The following PCDHGB3 variants were observed in gnomAD, a reference collection of about 807,000 sequenced individuals.
The protein encoded by PCDHGB3 is protocadherin gamma subfamily B, 3, also known as protocadherin gamma-B3.
In PCDHGB3, 40 loss-of-function variants were observed where a neutral mutation model predicts 59.2. The ratio of observed to expected loss-of-function variants is 0.68; its 90% CI spans 0.52 to 0.88. The LOEUF is 0.88. PCDHGB3 is among the 40% of genes least tolerant of loss of function. PCDHGB3 has a pLI of 0.00. For missense variants in PCDHGB3, 1,309 were observed against 1,187.9 expected (o/e 1.10, Z -1.50); for synonymous variants, 581 against 503.6 (o/e 1.15, Z -2.06).
chr5:141,409,156 A>G (rs771600341), intron 1 of PCDHGB3: 1 of 1,613,986 alleles, frequency 6.2e-7, no homozygotes, highest in Non-Finnish European at 8.5e-7. Flanking sequence ...ACACCATGGA[A>G]GTGGAAGCGA....
chr5:141,391,873 T>G (rs1023590638), intron 1 of PCDHGB3: 2 of 152,216 alleles, frequency 1.3e-5, no homozygotes, highest in African/African-American at 4.8e-5. Flanking sequence ...TAATCATCTC[T>G]TTGGTGAAAG....
chr5:141,410,778 G>T, intron 1 of PCDHGB3: 3 of 818,726 alleles, frequency 3.7e-6, no homozygotes, highest in Non-Finnish European at 3.4e-6. Flanking sequence ...TTTTCACTAT[G>T]TATTTGGTTC....
At chr5:141,401,657 G>T (rs1398256315) in intron 1 of PCDHGB3, among the ~76,000 whole-genome samples, 3 of 152,204 alleles carry the variant, frequency 2.0e-5, no homozygotes, top group Non-Finnish European at 4.4e-5. Context: ...ATGACTGGAT[G>T]TTTTCTCAAC....
chr5:141,443,317 C>CAAA (rs35054295), intron 1 of PCDHGB3, among the ~76,000 whole-genome samples: 8 of 142,020 alleles, frequency 5.6e-5, no homozygotes, highest in African/African-American at 2.1e-4. Context: ...CCCATCTCTA[C>CAAA]AAAAAAAAAA....
At chr5:141,425,805 C>T (rs1419480761) in intron 1 of PCDHGB3, among the ~76,000 whole-genome samples, 1 of 152,158 alleles carries the variant, frequency 6.6e-6, no homozygotes, top group African/African-American at 2.4e-5. Context: ...TGCATTGCTT[C>T]TGCTTAGAAA....
At chr5:141,398,349 C>T in intron 1 of PCDHGB3, 2 of 1,397,134 alleles carry the variant, frequency 1.4e-6, no homozygotes, top group Non-Finnish European at 2.0e-6. Flanking sequence ...AGAAGCCTTA[C>T]TTCACCGTGA....
intron 1 of PCDHGB3, among the ~76,000 whole-genome samples, chr5:141,425,629 C>G (rs1297803997): frequency 1.3e-5 from 2 of 152,162 alleles, no homozygotes; most frequent in Admixed American, 1.3e-4. Flanking sequence ...CTCCAGTTTT[C>G]TCTGATAAAA....
At chr5:141,404,287 C>A in intron 1 of PCDHGB3, 1 of 1,613,976 alleles carries the variant, frequency 6.2e-7, no homozygotes, top group Non-Finnish European at 8.5e-7. Flanking sequence ...TGACTGACAT[C>A]AATGATAATC....
chr5:141,373,437 C>A (rs1769581564), intron 1 of PCDHGB3, among the ~76,000 whole-genome samples: 1 of 152,194 alleles, frequency 6.6e-6, no homozygotes. Flanking sequence ...GTGGGAGGAT[C>A]CCTTGATCCC....
chr5:141,481,261 C>T lies in PCDHGB3; in HGVS notation c.2416-13546C>T, dbSNP rs2099534823. ...TACATAGCATAGCTCTAAAAGATCA[C>T]TGTAGGAAGACATAAAATGGTATTT... On this transcript the variant is annotated intron_variant, in intron 1 of 3. Coordinates refer to ENST00000576222, the MANE Select transcript of PCDHGB3 (RefSeq NM_018924.5). Among the ~76,000 whole-genome samples, 3 of 152,252 alleles carry T rather than the reference C, an allele frequency of 2.0e-5. No individual in the cohort carries two copies. The East Asian group carries it at 5.8e-4, about 29-fold the overall frequency.
chr5:141,403,415 C>A, intron 1 of PCDHGB3: 1 of 1,614,046 alleles, frequency 6.2e-7, no homozygotes, highest in East Asian at 2.2e-5. Context: ...TTATCCACTT[C>A]CAGAAGCTAT....
intron 3 of PCDHGB3, chr5:141,508,127 G>A (rs1220643878): frequency 6.6e-6 from 1 of 152,628 alleles, no homozygotes; most frequent in Non-Finnish European, 1.5e-5. Context: ...ACAGAGGGAG[G>A]TCAGGGAGCT....
intron 1 of PCDHGB3, chr5:141,404,365 C>A: frequency 6.2e-7 from 1 of 1,613,936 alleles, no homozygotes; most frequent in South Asian, 1.1e-5. Context: ...GTACTTCCAT[C>A]TTCTCCGTGA....
intron 1 of PCDHGB3, among the ~76,000 whole-genome samples, chr5:141,449,589 A>G (rs1196329432): frequency 7.6e-6 from 1 of 131,966 alleles, no homozygotes; most frequent in Non-Finnish European, 1.7e-5. Context: ...ACTCTGTCTC[A>G]AAAAAAAAAA....
At chr5:141,474,965 A>T (rs1268347441) in intron 1 of PCDHGB3, among the ~76,000 whole-genome samples, 1 of 152,236 alleles carries the variant, frequency 6.6e-6, no homozygotes, top group Non-Finnish European at 1.5e-5. Context: ...TATCCTAATC[A>T]TTATAATTTT....
At chr5:141,398,384 T>A (rs1413881140) in intron 1 of PCDHGB3, 1 of 1,454,330 alleles carries the variant, frequency 6.9e-7, no homozygotes, top group East Asian at 2.3e-5. Context: ...GAGTTGCTTG[T>A]GAGCAGCAGG....
rs778052844 is a variant in PCDHGB3, at chr5:141,486,259, T to C, written c.2416-8548T>C. ...CAGAGCTTGGAACCCTCCCCGAGAG[T>C]GCAGAACCTGGCACTGTGGTGGCAC... is the stretch of plus-strand genomic sequence containing the variant. On this transcript the variant is annotated intron_variant, in intron 1 of 3. Coordinates refer to ENST00000576222, the MANE Select transcript of PCDHGB3 (RefSeq NM_018924.5). This position sits in a 1 kb window ranked among gnomAD's most constrained non-coding sequence, Gnocchi z 5.0. 1 of 1,613,204 alleles carries C rather than the reference T, an allele frequency of 6.2e-7. No individual in the cohort carries two copies. The highest frequency in any genetic ancestry group is 8.5e-7 in the Non-Finnish European group (1 of 1,179,716).
intron 1 of PCDHGB3, chr5:141,394,779 G>A (rs1561651112): frequency 6.2e-7 from 1 of 1,613,590 alleles, no homozygotes; most frequent in Admixed American, 1.7e-5. Context: ...CCCTCTCTCC[G>A]CCACTGTCAC....
chr5:141,483,530 GC>G (rs1384645281), intron 1 of PCDHGB3, among the ~76,000 whole-genome samples: 2 of 152,158 alleles, frequency 1.3e-5, no homozygotes, highest in African/African-American at 4.8e-5. Flanking sequence ...GACTAAGGAA[GC>G]TGGGTGGTTG....
Sources: allele counts gnomAD v4.1 joint callset (sites outside exome capture counted in the v4.1 genomes callset), GRCh38; gene constraint gnomAD v4.1.1; non-coding constraint Gnocchi (gnomAD v3.1); transcripts MANE v1.5; gene names NCBI Gene and HGNC (gene_info 2026-07-23, HGNC 2026-07-21).